Variants in MYT1L observed in about 807,000 individuals in gnomAD.
MYT1L encodes myelin transcription factor 1 like.
In MYT1L, 12 loss-of-function variants were observed where a neutral mutation model predicts 126.7. The ratio of observed to expected loss-of-function variants is 0.09; its 90% CI spans 0.06 to 0.15. MYT1L has a LOEUF of 0.15. Ranked by LOEUF, MYT1L falls within the 10% of genes least tolerant of loss-of-function variation. The pLI is 1.00. For missense variants in MYT1L, 979 were observed against 1,585.2 expected (o/e 0.62, Z 6.49); for synonymous variants, 541 against 604.2 (o/e 0.90, Z 1.53).
chr2:1,973,694 T>C (rs918519730), intron 8 of MYT1L, among the ~76,000 whole-genome samples: 1 of 152,204 alleles, frequency 6.6e-6, no homozygotes, highest in African/African-American at 2.4e-5. Context: ...TTTCTTTCAA[T>C]GTATCCCTGC....
chr2:1,903,222 C>T lies in MYT1L; in HGVS notation c.1890G>A (p.Pro630=), dbSNP rs745509992. The change falls in exon 14 of 25, where the codon CCG becomes CCA. Residue 630 remains proline, a synonymous_variant. Coordinates refer to ENST00000647738, the MANE Select transcript of MYT1L (RefSeq NM_001303052.2). ...GYRNNVPTTT[P]RSNLAKELEK... Reference sequence around the variant, plus strand: ...CGAGCTCCTTGGCCAGGTTGGAACGCGGCGTAGTTGTGGGGACATTGTTTC... The same window carrying T: ...CGAGCTCCTTGGCCAGGTTGGAACGTGGCGTAGTTGTGGGGACATTGTTTC... 2.5e-5 allele frequency: 40 copies of T among 1,613,800 alleles called. No homozygotes were observed. The highest frequency in any genetic ancestry group is 1.8e-4 in the East Asian group (8 of 44,886).
chr2:1,995,120 G>GT (rs879486662), intron 5 of MYT1L, among the ~76,000 whole-genome samples: 225 of 146,862 alleles, frequency 1.5e-3, no homozygotes, highest in African/African-American at 1.5e-3. Context: ...GCTTGGAATA[G>GT]TTTTTTTTTT....
At chr2:2,139,571 G>A (rs1006658455) in intron 3 of MYT1L, among the ~76,000 whole-genome samples, 4 of 152,004 alleles carry the variant, frequency 2.6e-5, no homozygotes, top group South Asian at 2.1e-4. Flanking sequence ...CTCGGGAGGC[G>A]AAGGTTGCAG....
At chr2:1,837,950 C>T (rs568907882) in intron 21 of MYT1L, among the ~76,000 whole-genome samples, 1 of 150,522 alleles carries the variant, frequency 6.6e-6, no homozygotes, top group South Asian at 2.1e-4. Context: ...GTTGCTCTGT[C>T]ACCCAGGCTG....
intron 18 of MYT1L, among the ~76,000 whole-genome samples, chr2:1,882,228 G>A (rs1367748905): frequency 6.6e-6 from 1 of 152,142 alleles, no homozygotes; most frequent in African/African-American, 2.4e-5. Context: ...CCCGTGCCCT[G>A]GGCCGTGCTT....
In MYT1L at chr2:1,917,447, G is replaced by A; in HGVS notation, c.1484-108C>T. The A allele has an allele frequency of 7.3e-7, 1 of 1,364,658 alleles. No homozygotes were observed. Among genetic ancestry groups the A allele is most frequent in the East Asian group, 2.3e-5 (1 of 43,290 alleles). 84.5% of individuals were successfully genotyped at this position (1,364,658 alleles called of 1,614,324 possible). A position where few individuals can be genotyped will look rare whatever the true frequency, so the allele number is the denominator to read the frequency against. ...TGCTAAAGAAAGAAATAAAGCAGGT[G>A]TCGGGGGCTAGGCTGTGACATCAGA... On this transcript the variant is annotated intron_variant, in intron 10 of 24. Transcript: ENST00000647738. This position sits in a 1 kb window ranked among gnomAD's most constrained non-coding sequence, Gnocchi z 5.9.
intron 2 of MYT1L, among the ~76,000 whole-genome samples, chr2:2,251,670 C>G (rs1425529469): frequency 6.6e-6 from 1 of 152,098 alleles, no homozygotes; most frequent in Non-Finnish European, 1.5e-5. Context: ...TTCCAAGCTA[C>G]TAGTTGACAG....
At chr2:2,306,485 C>T (rs1247594382) in intron 1 of MYT1L, among the ~76,000 whole-genome samples, 1 of 152,092 alleles carries the variant, frequency 6.6e-6, no homozygotes, top group African/African-American at 2.4e-5. Flanking sequence ...AGTAAGTCTC[C>T]CAGAAACGCA....
chr2:2,204,898 G>A (rs2093250150), intron 2 of MYT1L, among the ~76,000 whole-genome samples: 1 of 151,834 alleles, frequency 6.6e-6, no homozygotes, highest in Non-Finnish European at 1.5e-5. Flanking sequence ...TTAAGAAAAT[G>A]TGGCACATAT....
At chr2:1,795,047 C>G (rs2033156121) in intron 23 of MYT1L, among the ~76,000 whole-genome samples, 1 of 152,186 alleles carries the variant, frequency 6.6e-6, no homozygotes, top group Admixed American at 6.5e-5. Flanking sequence ...GAATCTCCTG[C>G]ATCTCCAGCC....
At position 2,087,602 on chromosome 2, in the gene MYT1L, G is replaced by C. The variant is rs118127130; in HGVS notation, c.-303-33479C>G. ...GCTTTTCAAAAGTATTTTAGAATCT[G>C]TTAAATAAGAGCTTGGTCCTAAATA... is the stretch of plus-strand genomic sequence containing the variant. On this transcript the variant is annotated intron_variant, in intron 3 of 24. Coordinates refer to ENST00000647738, the MANE Select transcript of MYT1L (RefSeq NM_001303052.2). 3.2e-4 allele frequency among the ~76,000 whole-genome samples: 49 copies of C among 152,314 alleles called. 1 individual carries two copies. In the East Asian group the frequency reaches 9.5e-3, roughly 29 times the overall value.
chr2:2,213,450 T>A (rs143318692), intron 2 of MYT1L, among the ~76,000 whole-genome samples: 212 of 152,204 alleles, frequency 1.4e-3, no homozygotes, highest in African/African-American at 4.8e-3. Flanking sequence ...AACATAATAT[T>A]GACCAGCACA....
intron 9 of MYT1L, among the ~76,000 whole-genome samples, chr2:1,939,149 C>T (rs2056346587): frequency 6.6e-6 from 1 of 152,216 alleles, no homozygotes; most frequent in Non-Finnish European, 1.5e-5. Flanking sequence ...CAGACGGCCA[C>T]CCTGTGCCAC....
chr2:2,279,406 AG>A (rs913315558), intron 2 of MYT1L, among the ~76,000 whole-genome samples: 4 of 146,834 alleles, frequency 2.7e-5, no homozygotes, highest in Non-Finnish European at 6.0e-5. Context: ...GAAGAAGAAG[AG>A]GAGAAGGAGG....
Position 1,887,253 on chromosome 2 carries a change from A to T in MYT1L, c.2642+235T>A, listed in dbSNP as rs1281133955. On this transcript the variant is annotated intron_variant, in intron 17 of 24. Transcript: ENST00000647738. The surrounding 1 kb of genome is among the most constrained non-coding windows in gnomAD (Gnocchi z 4.8). ...AGGGGATTTAAGCACCCTGAAGAAA[A>T]GCGGCAAAATGCACGGGTTAAATGA... The T allele has an allele frequency of 6.2e-6, 3 of 484,820 alleles. No individual in the cohort carries two copies. The highest frequency in any genetic ancestry group is 5.9e-5 in the African/African-American group (3 of 51,124). 30.0% of individuals were successfully genotyped at this position (484,820 alleles called of 1,614,324 possible).
At chr2:2,017,511 C>A (rs186950204) in intron 4 of MYT1L, among the ~76,000 whole-genome samples, 252 of 152,302 alleles carry the variant, frequency 1.7e-3, no homozygotes, top group African/African-American at 5.9e-3. Flanking sequence ...GGTCACAATA[C>A]CTTGCTGTGT....
In MYT1L at chr2:1,889,684, G is replaced by A. The variant is rs868342926; in HGVS notation, c.2284-207C>T. 6.6e-6 allele frequency among the ~76,000 whole-genome samples: 1 copy of A among 152,060 alleles called. No individual in the cohort carries two copies. Among genetic ancestry groups the A allele is most frequent in the African/African-American group, 2.4e-5 (1 of 41,396 alleles). ...TATCCCACGCTTAGCTGCAAAATTG[G>A]TTGGAGAATCCAGGCATCCATCCCG... On this transcript the variant is annotated intron_variant, in intron 15 of 24. Transcript: ENST00000647738. This position sits in a 1 kb window ranked among gnomAD's most constrained non-coding sequence, Gnocchi z 4.1.
At chr2:2,262,692 CAAAA>C (rs1239154235) in intron 2 of MYT1L, among the ~76,000 whole-genome samples, 1 of 105,970 alleles carries the variant, frequency 9.4e-6, no homozygotes. Flanking sequence ...GACTCCATCT[CAAAA>C]AAAAAAAAAA....
intron 2 of MYT1L, among the ~76,000 whole-genome samples, chr2:2,278,193 A>G (rs554434080): frequency 3.3e-4 from 50 of 152,350 alleles, no homozygotes; most frequent in African/African-American, 1.1e-3. Flanking sequence ...TGTGTTGTGT[A>G]TATGTAACGT....
Sources: allele counts gnomAD v4.1 joint callset (sites outside exome capture counted in the v4.1 genomes callset), GRCh38; gene constraint gnomAD v4.1.1; non-coding constraint Gnocchi (gnomAD v3.1); transcripts MANE v1.5; gene names NCBI Gene and HGNC (gene_info 2026-07-23, HGNC 2026-07-21).